RBFOX2: variants seen among roughly 807,000 people sequenced by gnomAD.
RBFOX2 encodes RNA binding fox-1 homolog 2.
In RBFOX2, 10 loss-of-function variants were observed where a neutral mutation model predicts 49.1. The observed-to-expected ratio is 0.20, with a 90% CI of 0.13 to 0.35. RBFOX2 has a LOEUF of 0.35. Ranked by LOEUF, RBFOX2 falls within the 10% of genes least tolerant of loss-of-function variation. The pLI, the probability that RBFOX2 is intolerant of heterozygous loss-of-function variation, is 1.00. For synonymous variants in RBFOX2, 183 were observed against 187.4 expected (o/e 0.98, Z 0.19); for missense variants, 323 against 486.9 (o/e 0.66, Z 3.17).
intron 6 of RBFOX2, among the ~76,000 whole-genome samples, chr22:35,765,096 G>C (rs1317996479): frequency 6.6e-6 from 1 of 151,276 alleles, no homozygotes; most frequent in Non-Finnish European, 1.5e-5. Flanking sequence ...TTACGGACAA[G>C]TCTAACATAT....
chr22:35,911,680 C>T (rs181719139), intron 1 of RBFOX2, among the ~76,000 whole-genome samples: 151 of 152,202 alleles, frequency 9.9e-4, no homozygotes, highest in Non-Finnish European at 1.0e-4. Context: ...ACTTAAAATG[C>T]TAATTGGTGG....
chr22:36,000,498 A>G (rs986975119), intron 1 of RBFOX2: 1 of 152,154 alleles, frequency 6.6e-6, no homozygotes, highest in Non-Finnish European at 1.5e-5. Flanking sequence ...TTTGCACTTC[A>G]TGATTGGTGC....
At chr22:36,006,733 A>C (rs868753682) in intron 1 of RBFOX2, among the ~76,000 whole-genome samples, 8 of 152,152 alleles carry the variant, frequency 5.3e-5, no homozygotes, top group African/African-American at 1.9e-4. Flanking sequence ...CCTTGTACAT[A>C]CTGTTTCTTT....
At chr22:35,801,229 G>A (rs772728704) in intron 2 of RBFOX2, among the ~76,000 whole-genome samples, 10 of 151,948 alleles carry the variant, frequency 6.6e-5, no homozygotes, top group Non-Finnish European at 1.2e-4. Context: ...AAATAACAAC[G>A]CTTCCTGTCT....
intron 1 of RBFOX2, among the ~76,000 whole-genome samples, chr22:36,003,554 G>A (rs768767635): frequency 2.6e-5 from 4 of 152,234 alleles, no homozygotes; most frequent in Non-Finnish European, 4.4e-5. Flanking sequence ...ATTGGAGGTG[G>A]TGGTCAAAGT....
In RBFOX2 at chr22:35,862,378, G is replaced by GGA. The variant is rs564945352; in HGVS notation, c.-33-52375_-33-52374insTC. ...TGAAGGGTTAGTTATTTTCTTTGGA[G>GGA]GGGGGGGGGAATGATAAAAGGAGAT... On this transcript the variant is annotated intron_variant, in intron 1 of 13. Coordinates refer to the RBFOX2 transcript ENST00000359369. Among the ~76,000 whole-genome samples the GGA allele has an allele frequency of 5.0e-4, 62 of 123,462 alleles. 1 individual carries two copies. Among genetic ancestry groups the GGA allele is most frequent in the South Asian group, 4.5e-3 (17 of 3,812 alleles). The allele number at this position is 123,462 out of a possible 152,430, so 81.0% of individuals were successfully genotyped here. A position where few individuals can be genotyped will look rare whatever the true frequency, so the allele number is the denominator to read the frequency against.
intron 1 of RBFOX2, among the ~76,000 whole-genome samples, chr22:35,909,033 A>G (rs2149497695): frequency 6.6e-6 from 1 of 152,208 alleles, no homozygotes; most frequent in African/African-American, 2.4e-5. Flanking sequence ...TAGTATAGAC[A>G]GGGTTTCACT....
chr22:35,834,959 T>C (rs1419662739), intron 1 of RBFOX2, among the ~76,000 whole-genome samples: 1 of 152,168 alleles, frequency 6.6e-6, no homozygotes, highest in Non-Finnish European at 1.5e-5. Context: ...ATCATTCTAA[T>C]AGTAATAGAG....
At chr22:35,767,236 G>C (rs566223710) in intron 5 of RBFOX2, among the ~76,000 whole-genome samples, 59 of 152,284 alleles carry the variant, frequency 3.9e-4, no homozygotes, top group African/African-American at 1.4e-3. Context: ...AAAGGAAAAG[G>C]AAGAGGAACA....
chr22:35,983,177 G>A (rs1380915208), intron 1 of RBFOX2, among the ~76,000 whole-genome samples: 1 of 152,162 alleles, frequency 6.6e-6, no homozygotes, highest in Non-Finnish European at 1.5e-5. Flanking sequence ...ACAAGGTGCT[G>A]GAAATAGTAG....
At chr22:35,741,440 G>C (rs1451969957) in exon 12 of RBFOX2, 1 of 152,274 alleles carries the variant, frequency 6.6e-6, no homozygotes, top group African/African-American at 2.4e-5. Context: ...GAACAGACAA[G>C]CAGTGCTGCT....
chr22:35,898,250 T>C, intron 1 of RBFOX2: 5 of 753,860 alleles, frequency 6.6e-6, no homozygotes, highest in Admixed American at 1.7e-5. Flanking sequence ...ACAATCCCAC[T>C]GACTTGAGGA....
intron 1 of RBFOX2, chr22:35,821,647 C>G (rs1320242962): frequency 2.2e-6 from 1 of 450,322 alleles, no homozygotes; most frequent in Admixed American, 2.7e-5. Context: ...AGTATCCTAT[C>G]CTTCACTCTG....
intron 3 of RBFOX2, among the ~76,000 whole-genome samples, chr22:35,779,949 G>T (rs1357298426): frequency 6.6e-6 from 1 of 152,154 alleles, no homozygotes; most frequent in Non-Finnish European, 1.5e-5. Flanking sequence ...ACTTCTGGCA[G>T]ATGAGAATGT....
upstream of RBFOX2, among the ~76,000 whole-genome samples, chr22:35,842,446 A>G (rs2040626596): frequency 6.6e-6 from 1 of 152,184 alleles, no homozygotes; most frequent in South Asian, 2.1e-4. Context: ...AGGAGATAAA[A>G]AGCAGTCAAA....
At chr22:35,973,422 TGACAACCA>T (rs1414942286) in intron 1 of RBFOX2, among the ~76,000 whole-genome samples, 3 of 152,198 alleles carry the variant, frequency 2.0e-5, no homozygotes, top group Non-Finnish European at 2.9e-5. Context: ...GCCACACTGG[TGACAACCA>T]GAGCAGGAAC....
At chr22:35,773,717 G>T (rs1454478034) in intron 4 of RBFOX2, among the ~76,000 whole-genome samples, 1 of 151,936 alleles carries the variant, frequency 6.6e-6, no homozygotes, top group African/African-American at 2.4e-5. Context: ...TTCAATAGAG[G>T]ATATACCAAA....
intron 2 of RBFOX2, among the ~76,000 whole-genome samples, chr22:35,805,524 T>C (rs1950580667): frequency 6.6e-6 from 1 of 152,090 alleles, no homozygotes; most frequent in African/African-American, 2.4e-5. Flanking sequence ...TCATTGCTGG[T>C]GGAAATGCAA....
Position 35,749,775 on chromosome 22 carries a change from A to T in RBFOX2, c.888-3214T>A, listed in dbSNP as rs1934219674. Among the ~76,000 whole-genome samples, 1 of 152,192 alleles carries T rather than the reference A, an allele frequency of 6.6e-6. No homozygotes were observed. The highest frequency in any genetic ancestry group is 1.5e-5 in the Non-Finnish European group (1 of 68,034). ...TTCATTACTGTTTCTTAAGTTTTTC[A>T]AAAAGAACAAGGGTGGGAAGGAGGT... On this transcript the variant is annotated intron_variant, in intron 9 of 11. Coordinates refer to ENST00000405409, the Ensembl canonical transcript of RBFOX2. The surrounding 1 kb of genome is among the most constrained non-coding windows in gnomAD (Gnocchi z 4.1).
Sources: gnomAD v4.1 joint callset for allele counts (sites outside exome capture counted in the v4.1 genomes callset) on GRCh38, gnomAD v4.1.1 for gene constraint, Gnocchi (gnomAD v3.1) non-coding constraint, MANE v1.5 for transcripts, NCBI Gene and HGNC (gene_info 2026-07-23, HGNC 2026-07-21) for gene names.